The following DTNB variants were observed in gnomAD, a reference collection of about 807,000 sequenced individuals.
DTNB encodes the protein DTN-B.
In DTNB, 63 loss-of-function variants were observed where a neutral mutation model predicts 90.7. The observed-to-expected ratio is 0.69, with a 90% CI of 0.57 to 0.86. The LOEUF is 0.86. Ranked by LOEUF, DTNB falls within the 40% of genes least tolerant of loss-of-function variation. The pLI is 0.00. For missense variants in DTNB, 744 were observed against 807.1 expected, an observed-to-expected ratio of 0.92 and a Z score of 0.95; for synonymous variants, 277 against 286.7, an observed-to-expected ratio of 0.97 and a Z score of 0.34.
chr2:25,599,195 A>C (rs563002421), intron 5 of DTNB, among the ~76,000 whole-genome samples: 1 of 151,040 alleles, frequency 6.6e-6, no homozygotes, highest in Non-Finnish European at 1.5e-5. Flanking sequence ...GTTGATGGCA[A>C]ACTAGATTAC....
chr2:25,666,543 G>T (rs1248800288), intron 1 of DTNB, among the ~76,000 whole-genome samples: 1 of 152,192 alleles, frequency 6.6e-6, no homozygotes, highest in African/African-American at 2.4e-5. Flanking sequence ...TTTGTATAAA[G>T]TTGAGAAAGG....
intron 12 of DTNB, among the ~76,000 whole-genome samples, chr2:25,446,352 T>A (rs2150087601): frequency 6.6e-6 from 1 of 152,276 alleles, no homozygotes; most frequent in South Asian, 2.1e-4. Flanking sequence ...TTCTCCCACG[T>A]CAGCCTCCCA....
At chr2:25,646,421 G>A (rs561359221) in intron 2 of DTNB, among the ~76,000 whole-genome samples, 5 of 151,866 alleles carry the variant, frequency 3.3e-5, no homozygotes, top group East Asian at 1.9e-4. Flanking sequence ...GCAGTGAGCC[G>A]AGATCATGCC....
intron 4 of DTNB, among the ~76,000 whole-genome samples, chr2:25,618,689 T>C (rs182915222): frequency 5.5e-4 from 83 of 152,262 alleles, no homozygotes; most frequent in Admixed American, 1.8e-3. Flanking sequence ...ACAGGTAATA[T>C]TTGTTGAGAT....
intron 8 of DTNB, among the ~76,000 whole-genome samples, chr2:25,570,183 G>A (rs2059625084): frequency 6.6e-6 from 1 of 151,764 alleles, no homozygotes; most frequent in Admixed American, 6.6e-5. Context: ...GGTAGAGGTG[G>A]GCAGATCACT....
chr2:25,570,406 CAAAAAAAAAAAAAA>C (rs146251976), intron 8 of DTNB, among the ~76,000 whole-genome samples: 1 of 89,912 alleles, frequency 1.1e-5, no homozygotes, highest in Non-Finnish European at 2.1e-5. Context: ...TTTCCTGTCT[CAAAAAAAAAAAAAA>C]AAAAAAAAAA....
Position 25,455,553 on chromosome 2 carries a change from T to C in DTNB, c.1080-59A>G, listed in dbSNP as rs1412632869. 2.9e-6 allele frequency: 4 copies of C among 1,394,590 alleles called. No homozygotes were observed. In the African/African-American group the frequency reaches 5.7e-5, roughly 20 times the overall value. The allele number at this position is 1,394,590 out of a possible 1,614,324, so 86.4% of individuals were successfully genotyped here. A position where few individuals can be genotyped will look rare whatever the true frequency, so the allele number is the denominator to read the frequency against. On this transcript the variant is annotated intron_variant, in intron 10 of 20. Transcript: ENST00000406818. ...ACACAAACACATACAGAGGGAGAAA[T>C]GAACATGGATTAAAATGAGCAAACT... is the stretch of plus-strand genomic sequence containing the variant.
chr2:25,640,264 A>G (rs564999389), intron 2 of DTNB, among the ~76,000 whole-genome samples: 14 of 152,330 alleles, frequency 9.2e-5, no homozygotes, highest in African/African-American at 2.9e-4. Context: ...GATTTCACCT[A>G]TCCTTCCTTT....
At chr2:25,627,993 C>A (rs1348580330) in intron 4 of DTNB, among the ~76,000 whole-genome samples, 178 bp downstream of exon 4, 1 of 152,130 alleles carries the variant, frequency 6.6e-6, no homozygotes, top group Non-Finnish European at 1.5e-5. Context: ...TCCTTGGCCT[C>A]CCAAAGTGCT....
rs747144913 is a variant in DTNB at position 25,596,213 on chromosome 2, T to C, written c.476A>G (p.Asn159Ser). 2.7e-5 allele frequency: 44 copies of C among 1,610,904 alleles called. No individual in the cohort carries two copies. The highest frequency in any genetic ancestry group is 2.5e-4 in the East Asian group (11 of 44,616). ...AAACTTGCTAAATATCATTAAGCCA[T>C]TGGAATCTGACATCTGGGAGAAAAC... ...RYVFSQMSDS[N>S]GLMIFSKFDQ... The change falls in exon 6 of 21, where the codon AAT becomes AGT. Residue 159 changes from asparagine (N) to serine (S), a missense_variant. By Grantham distance (46) the Asn-to-Ser change is conservative (BLOSUM62 1). Transcript: ENST00000406818.
chr2:25,526,402 T>A (rs1575405408), intron 9 of DTNB, among the ~76,000 whole-genome samples: 1 of 139,038 alleles, frequency 7.2e-6, no homozygotes, highest in Non-Finnish European at 1.5e-5. Flanking sequence ...TATATTTTTT[T>A]TTTTTTAATT....
intron 5 of DTNB, among the ~76,000 whole-genome samples, chr2:25,603,568 A>G (rs933253270): frequency 1.3e-5 from 2 of 152,228 alleles, no homozygotes; most frequent in Admixed American, 1.3e-4. Flanking sequence ...TGCTATCTTG[A>G]TACTAAAACC....
At chr2:25,527,002 A>G (rs555345871) in intron 9 of DTNB, among the ~76,000 whole-genome samples, 1 of 152,308 alleles carries the variant, frequency 6.6e-6, no homozygotes, top group East Asian at 1.9e-4. Flanking sequence ...AGGCAACTAG[A>G]AAACCTCTAT....
intron 9 of DTNB, among the ~76,000 whole-genome samples, chr2:25,512,685 A>G (rs1329941052): frequency 6.6e-6 from 1 of 152,230 alleles, no homozygotes; most frequent in Non-Finnish European, 1.5e-5. Context: ...TTGCATGGAC[A>G]TACCAGGATT....
intron 2 of DTNB, among the ~76,000 whole-genome samples, chr2:25,650,917 C>T (rs1442701750): frequency 2.0e-5 from 3 of 151,638 alleles, no homozygotes; most frequent in Non-Finnish European, 2.9e-5. Flanking sequence ...GCCGAGATGG[C>T]GCCACTGCAC....
intron 16 of DTNB, among the ~76,000 whole-genome samples, chr2:25,411,156 T>A (rs1047531092): frequency 1.3e-5 from 2 of 151,886 alleles, no homozygotes; most frequent in Non-Finnish European, 2.9e-5. Flanking sequence ...GTCAGGAGTT[T>A]GAGACCAGCC....
Position 25,660,455 on chromosome 2 carries a change from A to G in DTNB, c.-1-7794T>C, listed in dbSNP as rs552055606. On this transcript the variant is annotated intron_variant, in intron 1 of 20. Transcript: ENST00000406818. ...TGACGGGGGAAGGTGAATAGGGAGT[A>G]ACTGCTAATGAGTACAGGGTTCTTT... Among the ~76,000 whole-genome samples the G allele has an allele frequency of 3.3e-4, 51 of 152,314 alleles. No homozygotes were observed. In the South Asian group the frequency reaches 0.011, roughly 32 times the overall value.
At chr2:25,468,218 T>C (rs1186994268) in intron 10 of DTNB, among the ~76,000 whole-genome samples, 1 of 152,174 alleles carries the variant, frequency 6.6e-6, no homozygotes, top group South Asian at 2.1e-4. Context: ...TAGGGATTCA[T>C]TGCTATGAAG....
intron 5 of DTNB, among the ~76,000 whole-genome samples, chr2:25,597,875 A>T (rs1163441583): frequency 2.6e-5 from 4 of 152,204 alleles, no homozygotes; most frequent in African/African-American, 9.7e-5. Context: ...TACACATGAA[A>T]CAGAGAAGAA....
Sources: gnomAD v4.1 joint callset for allele counts (sites outside exome capture counted in the v4.1 genomes callset) on GRCh38, gnomAD v4.1.1 for gene constraint, MANE v1.5 for transcripts, NCBI Gene and HGNC (gene_info 2026-07-23, HGNC 2026-07-21) for gene names.